ACTL8: variants seen among roughly 807,000 people sequenced by gnomAD.
ACTL8 encodes actin-like protein 8.
Under a neutral mutation model 9.3 loss-of-function variants are expected in ACTL8, and 3 were observed. That is an observed-to-expected ratio of 0.32 (90% confidence interval 0.15 to 0.83). The LOEUF (loss-of-function observed/expected upper bound fraction) is 0.83, where lower values mean the gene tolerates loss of function less well. ACTL8 is among the 40% of genes least tolerant of loss of function. The pLI, the probability that ACTL8 is intolerant of heterozygous loss-of-function variation, is 0.57. For synonymous variants in ACTL8, 224 were observed against 205.9 expected (o/e 1.09, Z -0.75); for missense variants, 381 against 492.2 (o/e 0.77, Z 2.14).
chr1:17,799,822 G>A (rs1183445356), intron 1 of ACTL8, among the ~76,000 whole-genome samples: 1 of 150,976 alleles, frequency 6.6e-6, no homozygotes, highest in Non-Finnish European at 1.5e-5. Context: ...AATCAGCTCC[G>A]CCCCCGCCCC....
intron 1 of ACTL8, among the ~76,000 whole-genome samples, chr1:17,799,019 T>C (rs936177219): frequency 6.6e-6 from 1 of 152,194 alleles, no homozygotes; most frequent in African/African-American, 2.4e-5. Flanking sequence ...TGGCTCAGCC[T>C]CTCCCTAAGC....
chr1:17,812,446 T>C (rs1486067293), intron 1 of ACTL8, among the ~76,000 whole-genome samples: 1 of 147,254 alleles, frequency 6.8e-6, no homozygotes, highest in East Asian at 1.9e-4. Context: ...TTTTTTTTTT[T>C]TGAGACGGAG....
chr1:17,826,528 G>A lies in ACTL8; in HGVS notation c.*9G>A. On this transcript the variant is annotated 3_prime_UTR_variant, in exon 3 of 3. Coordinates refer to ENST00000375406, the MANE Select transcript of ACTL8 (RefSeq NM_030812.3). This position sits in a 1 kb window ranked among gnomAD's most constrained non-coding sequence, Gnocchi z 4.5. The stretch of plus-strand genomic sequence containing the variant: ...AGCATATGAGGATGTGACCCTACTG[G>A]CTCACTCCTGAGAATGGGCTCCTGT... 6.5e-7 allele frequency: 1 copy of A among 1,535,856 alleles called. No homozygotes were observed. Among genetic ancestry groups the A allele is most frequent in the Non-Finnish European group, 8.8e-7 (1 of 1,136,530 alleles).
intron 1 of ACTL8, among the ~76,000 whole-genome samples, chr1:17,784,657 C>G (rs1434745788): frequency 6.6e-6 from 1 of 152,166 alleles, no homozygotes; most frequent in Non-Finnish European, 1.5e-5. Context: ...ATGAGGTGTT[C>G]TTCTCAATAC....
intron 1 of ACTL8, among the ~76,000 whole-genome samples, chr1:17,778,769 G>A (rs2066133432): frequency 6.6e-6 from 1 of 152,128 alleles, no homozygotes; most frequent in Non-Finnish European, 1.5e-5. Flanking sequence ...GGCACAATGT[G>A]TCTGATTAGC....
intron 1 of ACTL8, among the ~76,000 whole-genome samples, chr1:17,803,301 A>G (rs2066337041): frequency 6.6e-6 from 1 of 152,146 alleles, no homozygotes; most frequent in Non-Finnish European, 1.5e-5. Flanking sequence ...AGGCCTCCCC[A>G]GCCATGCGGA....
At position 17,783,346 on chromosome 1, in the gene ACTL8, T is replaced by G. The variant is rs200696959; in HGVS notation, c.-25+27842T>G. On this transcript the variant is annotated intron_variant, in intron 1 of 2. Transcript: ENST00000375406. ...TTTTAAAAAGAGGAGTTTTTTTTTT[T>G]GTTTTGTTTTTTTTTTTTAAAAAAA... 1.6e-4 allele frequency among the ~76,000 whole-genome samples: 21 copies of G among 133,512 alleles called. No homozygotes were observed. The East Asian group carries it at 2.1e-3, about 13-fold the overall frequency. The allele number at this position is 133,512 out of a possible 152,430, so 87.6% of individuals were successfully genotyped here.
intron 1 of ACTL8, among the ~76,000 whole-genome samples, chr1:17,787,868 G>C (rs1464868979): frequency 6.6e-6 from 1 of 152,198 alleles, no homozygotes; most frequent in African/African-American, 2.4e-5. Context: ...CATTTACCCT[G>C]GTAATTTGAG....
chr1:17,820,260 TGTC>T (rs2053645201), intron 1 of ACTL8, among the ~76,000 whole-genome samples: 2 of 152,156 alleles, frequency 1.3e-5, no homozygotes, highest in African/African-American at 2.4e-5. Context: ...TCATACAGTT[TGTC>T]GTCTTTGGGG....
chr1:17,764,700 G>T (rs1360486140), intron 1 of ACTL8, among the ~76,000 whole-genome samples: 1 of 152,188 alleles, frequency 6.6e-6, no homozygotes, highest in African/African-American at 2.4e-5. Context: ...TGAGAGCCTG[G>T]GTTTTAATAG....
intron 1 of ACTL8, among the ~76,000 whole-genome samples, chr1:17,758,597 A>G (rs2065981904): frequency 6.6e-6 from 1 of 152,150 alleles, no homozygotes; most frequent in South Asian, 2.1e-4. Flanking sequence ...ACCTGTGACC[A>G]TTTACCAAAA....
At chr1:17,774,523 A>G (rs1570002106) in intron 1 of ACTL8, among the ~76,000 whole-genome samples, 1 of 152,114 alleles carries the variant, frequency 6.6e-6, no homozygotes, top group East Asian at 1.9e-4. Context: ...CCCACTGAGA[A>G]GGTGCCATCT....
At chr1:17,812,132 A>T (rs1308644407) in intron 1 of ACTL8, among the ~76,000 whole-genome samples, 2 of 152,140 alleles carry the variant, frequency 1.3e-5, no homozygotes, top group African/African-American at 2.4e-5. Context: ...TGCTGGGATT[A>T]TAGGTGTGAG....
rs2053726552 is a variant in ACTL8 at position 17,826,710 on chromosome 1, G to A, written c.*191G>A. 1 of 509,640 alleles carries A rather than the reference G, an allele frequency of 2.0e-6. No homozygotes were observed. The highest frequency in any genetic ancestry group is 3.8e-5 in the Admixed American group (1 of 26,620). 31.6% of individuals were successfully genotyped at this position (509,640 alleles called of 1,614,324 possible). ...TGCAAGAGTGGGACCTACCCAAGGG[G>A]GAAGACAAGATGTCATCCTTGGAAA... On this transcript the variant is annotated 3_prime_UTR_variant, in exon 3 of 3. Transcript: ENST00000375406. This position sits in a 1 kb window ranked among gnomAD's most constrained non-coding sequence, Gnocchi z 4.5.
chr1:17,806,583 C>T (rs756373322), intron 1 of ACTL8, among the ~76,000 whole-genome samples: 1 of 152,206 alleles, frequency 6.6e-6, no homozygotes, highest in Non-Finnish European at 1.5e-5. Flanking sequence ...GCAGAAGAGG[C>T]CTGTAGCAGA....
intron 1 of ACTL8, among the ~76,000 whole-genome samples, chr1:17,780,861 C>G (rs1030139584): frequency 6.6e-6 from 1 of 152,134 alleles, no homozygotes; most frequent in Admixed American, 6.5e-5. Flanking sequence ...GATTTGGCAA[C>G]TGCTGGTCTG....
intron 1 of ACTL8, among the ~76,000 whole-genome samples, chr1:17,807,717 C>G (rs1343758241): frequency 6.6e-6 from 1 of 152,020 alleles, no homozygotes; most frequent in African/African-American, 2.4e-5. Context: ...AGCTGGAAAC[C>G]GTCATTCTCA....
At chr1:17,796,109 G>A (rs1557438718) in intron 1 of ACTL8, among the ~76,000 whole-genome samples, 1 of 152,188 alleles carries the variant, frequency 6.6e-6, no homozygotes, top group African/African-American at 2.4e-5. Context: ...CCAGGGTGGA[G>A]ATGTTGAAGT....
At chr1:17,819,480 G>T (rs1392796579) in intron 1 of ACTL8, among the ~76,000 whole-genome samples, 3 of 152,208 alleles carry the variant, frequency 2.0e-5, no homozygotes, top group Non-Finnish European at 4.4e-5. Context: ...CCAGGCCATG[G>T]CTCTCATGCT....
Sources: allele counts gnomAD v4.1 joint callset (sites outside exome capture counted in the v4.1 genomes callset), GRCh38; gene constraint gnomAD v4.1.1; non-coding constraint Gnocchi (gnomAD v3.1); transcripts MANE v1.5; gene names NCBI Gene and HGNC (gene_info 2026-07-23, HGNC 2026-07-21).